The following ADGRL2 variants were observed in gnomAD, a reference collection of about 807,000 sequenced individuals.
ADGRL2 encodes the protein adhesion G protein-coupled receptor L2, also known as calcium-independent alpha-latrotoxin receptor 2.
Under a neutral mutation model 157.4 loss-of-function variants are expected in ADGRL2, and 44 were observed. The observed-to-expected ratio is 0.28, with a 90% confidence interval of 0.22 to 0.36. The LOEUF (loss-of-function observed/expected upper bound fraction) is 0.36. Among genes scored for constraint, ADGRL2 ranks in the 10% least tolerant of loss-of-function variants. The probability of loss-of-function intolerance (pLI) is 1.00; values close to 1 mark genes in which losing one functional copy is unlikely to be tolerated. For synonymous variants in ADGRL2, 585 were observed against 624.7 expected, an observed-to-expected ratio of 0.94 and a Z score of 0.95; for missense variants, 1,510 against 1,768.9, an observed-to-expected ratio of 0.85 and a Z score of 2.63.
intron 2 of ADGRL2, chr1:81,501,677 G>C (rs1028894319): frequency 6.5e-7 from 1 of 1,532,138 alleles, no homozygotes; most frequent in East Asian, 2.3e-5. Context: ...CCGAAAACCC[G>C]GAGTGCCCCG....
rs139028179 is a variant in ADGRL2, at chr1:81,569,362, T to C, written c.-247-11514T>C. Among the ~76,000 whole-genome samples, 431 of 152,332 alleles carry C rather than the reference T, an allele frequency of 2.8e-3. 2 individuals carry two copies. The highest frequency in any genetic ancestry group is 4.7e-3 in the Non-Finnish European group (322 of 68,022). On this transcript the variant is annotated intron_variant, in intron 2 of 24. Coordinates refer to the ADGRL2 transcript ENST00000370721. ...CGGGGTTCAAACACACCCACATCCA[T>C]ACTAGTTATCTATTGCAGCATAACA...
rs1210717628 is a variant in ADGRL2 at position 81,493,697 on chromosome 1, A to T, written c.-248+48608A>T. Among the ~76,000 whole-genome samples the T allele has an allele frequency of 2.6e-5, 4 of 152,168 alleles. No individual in the cohort carries two copies. The East Asian group carries it at 7.7e-4, about 29-fold the overall frequency. ...GTAATAAGCCAGAACTGTCAAACAG[A>T]AATCAGAACACAAATCAGTAATGGT... On this transcript the variant is annotated intron_variant, in intron 2 of 24. Coordinates refer to the ADGRL2 transcript ENST00000370721.
chr1:81,502,092 A>T (rs1180245859), intron 2 of ADGRL2: 10 of 1,595,438 alleles, frequency 6.3e-6, no homozygotes, highest in Middle Eastern at 3.5e-4. Context: ...GAGGACGGGG[A>T]TGATGAAGTT....
At chr1:81,984,023 G>C (rs948910791) in intron 19 of ADGRL2, among the ~76,000 whole-genome samples, 1 of 151,876 alleles carries the variant, frequency 6.6e-6, no homozygotes, top group East Asian at 1.9e-4. Context: ...CTAATTAGAG[G>C]CAAATGTATC....
At chr1:81,491,356 CA>C (rs2078629178) in intron 2 of ADGRL2, among the ~76,000 whole-genome samples, 1 of 152,012 alleles carries the variant, frequency 6.6e-6, no homozygotes, top group Non-Finnish European at 1.5e-5. Flanking sequence ...CTATACATCC[CA>C]ATCTGGGTAA....
intron 3 of ADGRL2, among the ~76,000 whole-genome samples, chr1:81,915,215 A>G (rs987920927): frequency 6.6e-6 from 1 of 151,960 alleles, no homozygotes; most frequent in Non-Finnish European, 1.5e-5. Flanking sequence ...AGCTGGTACT[A>G]CAGGTGCATG....
chr1:81,985,161 C>A, intron 20 of ADGRL2, 98 bp from the exon 21 acceptor site: 2 of 598,888 alleles, frequency 3.3e-6, no homozygotes, highest in Non-Finnish European at 5.9e-6. Flanking sequence ...CCAGATAATC[C>A]TACATAGGTT....
intron 1 of ADGRL2, among the ~76,000 whole-genome samples, chr1:81,388,436 A>G (rs1308470806): frequency 2.1e-5 from 2 of 97,104 alleles, no homozygotes; most frequent in African/African-American, 7.1e-5. Flanking sequence ...AATACCAGCC[A>G]CAACTTTCAT....
chr1:81,470,418 C>G (rs1286970829), intron 2 of ADGRL2, among the ~76,000 whole-genome samples: 1 of 152,110 alleles, frequency 6.6e-6, no homozygotes, highest in Non-Finnish European at 1.5e-5. Flanking sequence ...CCCAACTGCT[C>G]CCTGTACCCA....
chr1:81,852,636 T>C (rs1159540312), intron 2 of ADGRL2, among the ~76,000 whole-genome samples: 1 of 152,114 alleles, frequency 6.6e-6, no homozygotes, highest in African/African-American at 2.4e-5. Context: ...AGTAAAAATT[T>C]ATTTTCCTTT....
chr1:81,590,700 C>A (rs1400861664), intron 3 of ADGRL2, among the ~76,000 whole-genome samples: 1 of 152,062 alleles, frequency 6.6e-6, no homozygotes, highest in African/African-American at 2.4e-5. Flanking sequence ...CCATAATAAA[C>A]CCATTTTTGC....
At chr1:81,973,935 G>GA (rs148368282) in intron 17 of ADGRL2, among the ~76,000 whole-genome samples, 1 of 137,452 alleles carries the variant, frequency 7.3e-6, no homozygotes, top group Non-Finnish European at 1.6e-5. Context: ...TGTGTGTGGG[G>GA]AAAAAATATA....
At chr1:81,747,697 ATGTTTGTGTGTGTGTGTG>A (rs980434527) in intron 1 of ADGRL2, among the ~76,000 whole-genome samples, 48 of 100,030 alleles carry the variant, frequency 4.8e-4, no homozygotes, top group African/African-American at 1.8e-3. Context: ...TTTTCCTTTA[ATGTTTGTGTGTGTGTGTG>A]TGTGTGTGTG....
At chr1:81,651,375 G>A (rs778003133) in intron 3 of ADGRL2, among the ~76,000 whole-genome samples, 2 of 152,156 alleles carry the variant, frequency 1.3e-5, no homozygotes, top group Non-Finnish European at 2.9e-5. Context: ...GCAGAGTCTT[G>A]CTAACAAACC....
At chr1:81,965,848 A>G (rs1656887170) in intron 11 of ADGRL2, among the ~76,000 whole-genome samples, 1 of 152,246 alleles carries the variant, frequency 6.6e-6, no homozygotes, top group Non-Finnish European at 1.5e-5. Context: ...GAATGACAAT[A>G]CAAAATTTTT....
chr1:81,560,903 C>T (rs2080425490), intron 2 of ADGRL2, among the ~76,000 whole-genome samples: 1 of 152,172 alleles, frequency 6.6e-6, no homozygotes, highest in Non-Finnish European at 1.5e-5. Context: ...TTCCTCCATT[C>T]CAGTCATTTT....
chr1:81,534,884 G>A (rs1319615221), intron 2 of ADGRL2, among the ~76,000 whole-genome samples: 1 of 152,154 alleles, frequency 6.6e-6, no homozygotes, highest in Non-Finnish European at 1.5e-5. Flanking sequence ...TCAAATGCAA[G>A]TTATTTTTAA....
At chr1:81,513,467 T>A (rs1423488292) in intron 2 of ADGRL2, among the ~76,000 whole-genome samples, 1 of 152,224 alleles carries the variant, frequency 6.6e-6, no homozygotes, top group African/African-American at 2.4e-5. Context: ...TTCTACTACT[T>A]ACAAAACACT....
At chr1:81,542,439 G>A (rs965186052) in intron 2 of ADGRL2, among the ~76,000 whole-genome samples, 27 of 152,210 alleles carry the variant, frequency 1.8e-4, no homozygotes, top group African/African-American at 6.5e-4. Flanking sequence ...AACTGGGCAT[G>A]CTTCTGAACA....
Sources: allele counts gnomAD v4.1 joint callset (sites outside exome capture counted in the v4.1 genomes callset), GRCh38; gene constraint gnomAD v4.1.1; transcripts MANE v1.5; gene names NCBI Gene and HGNC (gene_info 2026-07-23, HGNC 2026-07-21).